The following FGF12 variants were observed in gnomAD, a reference collection of about 807,000 sequenced individuals.
The protein encoded by FGF12 is fibroblast growth factor 12.
A neutral mutation model predicts 23.6 loss-of-function variants in FGF12; 14 were observed. That is an observed-to-expected ratio of 0.59 (90% CI 0.39 to 0.93). The LOEUF (loss-of-function observed/expected upper bound fraction) is 0.93. Among genes scored for constraint, FGF12 ranks in the 40% least tolerant of loss-of-function variants. FGF12 has a pLI of 0.00. For missense variants in FGF12, 175 were observed against 217.8 expected, an observed-to-expected ratio of 0.80 and a Z score of 1.24; for synonymous variants, 62 against 77.3, an observed-to-expected ratio of 0.80 and a Z score of 1.04.
intron 4 of FGF12, among the ~76,000 whole-genome samples, chr3:192,334,036 A>C (rs1717264072): frequency 1.3e-5 from 2 of 152,086 alleles, no homozygotes; most frequent in African/African-American, 4.8e-5. Flanking sequence ...AATGCTGTCT[A>C]GGTGTATTGA....
At chr3:192,274,065 C>G (rs75600385) in intron 4 of FGF12, among the ~76,000 whole-genome samples, 5,450 of 152,036 alleles carry the variant, frequency 0.036, 322 homozygotes, top group African/African-American at 0.13. Context: ...TCCTAATTAT[C>G]TTTTGTATAA....
chr3:192,592,806 C>A (rs939313178), intron 2 of FGF12, among the ~76,000 whole-genome samples: 5 of 151,924 alleles, frequency 3.3e-5, no homozygotes, highest in Admixed American at 1.3e-4. Context: ...ACTCAGTACA[C>A]CTCAGCTCGA....
chr3:192,305,464 G>C (rs1413939102), intron 4 of FGF12, among the ~76,000 whole-genome samples: 2 of 151,704 alleles, frequency 1.3e-5, no homozygotes, highest in African/African-American at 4.8e-5. Flanking sequence ...CTCCCAGCCA[G>C]ATTCTACACG....
At chr3:192,182,979 G>T (rs2108636203) in intron 4 of FGF12, among the ~76,000 whole-genome samples, 1 of 152,278 alleles carries the variant, frequency 6.6e-6, no homozygotes, top group South Asian at 2.1e-4. Flanking sequence ...TGCTCATTGG[G>T]TTTAAATTAT....
chr3:192,465,737 C>T (rs944053911), intron 2 of FGF12, among the ~76,000 whole-genome samples: 4 of 152,300 alleles, frequency 2.6e-5, no homozygotes, highest in Admixed American at 2.6e-4. Flanking sequence ...AGGTAATTTC[C>T]TTGCATGCTC....
Position 192,496,445 on chromosome 3 carries a change from C to T in FGF12, c.14-135907G>A, listed in dbSNP as rs552431068. On this transcript the variant is annotated intron_variant, in intron 2 of 5. Coordinates refer to ENST00000445105, the MANE Select transcript of FGF12 (RefSeq NM_004113.6). ...AAGACGCTTTTACACTTGCAATATCCGCCGTCTTTTTCCTGCAACATCAGC... is the reference window on the plus strand; with the variant it reads ...AAGACGCTTTTACACTTGCAATATCTGCCGTCTTTTTCCTGCAACATCAGC... Among the ~76,000 whole-genome samples, 17 of 152,048 alleles carry T rather than the reference C, an allele frequency of 1.1e-4. 1 individual carries two copies. In the South Asian group the frequency reaches 2.7e-3, roughly 24 times the overall value.
chr3:192,232,893 T>G (rs1314301018), intron 4 of FGF12, among the ~76,000 whole-genome samples: 2 of 152,212 alleles, frequency 1.3e-5, no homozygotes, highest in African/African-American at 4.8e-5. Context: ...TGTTATTTTT[T>G]TATGGCTGCA....
chr3:192,466,677 G>T (rs1023040297), intron 2 of FGF12, among the ~76,000 whole-genome samples: 4 of 152,130 alleles, frequency 2.6e-5, no homozygotes, highest in Non-Finnish European at 5.9e-5. Flanking sequence ...GTTAATGTTG[G>T]CAAATTTCCT....
chr3:192,311,694 C>T (rs1715947406), intron 4 of FGF12, among the ~76,000 whole-genome samples: 1 of 152,110 alleles, frequency 6.6e-6, no homozygotes, highest in Non-Finnish European at 1.5e-5. Context: ...TATAATAACT[C>T]TGTGTTTAAT....
chr3:192,629,043 CTAA>C (rs1308360010), intron 2 of FGF12, among the ~76,000 whole-genome samples: 1 of 152,014 alleles, frequency 6.6e-6, no homozygotes, highest in Admixed American at 6.6e-5. Context: ...TACAAAGTTT[CTAA>C]TAATGTTTAA....
At chr3:192,254,691 T>A (rs1017480731) in intron 4 of FGF12, among the ~76,000 whole-genome samples, 3 of 152,048 alleles carry the variant, frequency 2.0e-5, no homozygotes, top group Non-Finnish European at 2.9e-5. Context: ...GGCTAATGTA[T>A]AAACATTAAA....
chr3:192,519,213 C>T (rs74362281), intron 2 of FGF12, among the ~76,000 whole-genome samples: 4 of 152,324 alleles, frequency 2.6e-5, no homozygotes, highest in Non-Finnish European at 4.4e-5. Flanking sequence ...GATCCAACTA[C>T]GACCCATATT....
intron 2 of FGF12, among the ~76,000 whole-genome samples, chr3:192,367,286 C>T (rs150355746): frequency 4.6e-5 from 7 of 152,242 alleles, no homozygotes; most frequent in African/African-American, 1.2e-4. Flanking sequence ...AGTAGTTTGA[C>T]GGGTTCTTTT....
intron 4 of FGF12, among the ~76,000 whole-genome samples, chr3:192,289,603 G>A (rs1714649147): frequency 6.6e-6 from 1 of 152,108 alleles, no homozygotes; most frequent in African/African-American, 2.4e-5. Context: ...GAAGAGAAGA[G>A]CAAACAATCC....
intron 2 of FGF12, among the ~76,000 whole-genome samples, chr3:192,650,520 A>G (rs1204417532): frequency 6.6e-6 from 1 of 152,102 alleles, no homozygotes; most frequent in Admixed American, 6.6e-5. Context: ...ACTTGTGCCA[A>G]CCCTATACCT....
intron 4 of FGF12, among the ~76,000 whole-genome samples, chr3:192,215,911 T>G (rs1011499254): frequency 1.3e-5 from 2 of 152,202 alleles, no homozygotes; most frequent in Non-Finnish European, 2.9e-5. Flanking sequence ...AGACTCCTCC[T>G]TCTTCACTTT....
At chr3:192,326,138 A>G (rs1315591218) in intron 4 of FGF12, among the ~76,000 whole-genome samples, 1 of 152,218 alleles carries the variant, frequency 6.6e-6, no homozygotes, top group East Asian at 1.9e-4. Context: ...AATCTATATT[A>G]GATATGATCC....
At chr3:192,373,702 G>C (rs1392562980) in intron 2 of FGF12, among the ~76,000 whole-genome samples, 1 of 152,172 alleles carries the variant, frequency 6.6e-6, no homozygotes, top group Admixed American at 6.6e-5. Context: ...TTAGGGACAA[G>C]TGAAACACAG....
intron 4 of FGF12, among the ~76,000 whole-genome samples, chr3:192,266,107 G>A (rs960377616): frequency 7.3e-5 from 11 of 150,442 alleles, no homozygotes; most frequent in Admixed American, 4.7e-4. Flanking sequence ...CTGGTCCTTC[G>A]AAGGCAAAAC....
Sources: allele counts gnomAD v4.1 joint callset (sites outside exome capture counted in the v4.1 genomes callset), GRCh38; gene constraint gnomAD v4.1.1; transcripts MANE v1.5; gene names NCBI Gene and HGNC (gene_info 2026-07-23, HGNC 2026-07-21).